ASB3: variants seen among roughly 807,000 people sequenced by gnomAD.
The protein encoded by ASB3 is ankyrin repeat and SOCS box protein 3.
Under a neutral mutation model 54.5 loss-of-function variants are expected in ASB3, and 41 were observed. That is an observed-to-expected ratio of 0.75 (90% CI 0.59 to 0.98). ASB3 has a LOEUF of 0.98. Ranked by LOEUF, ASB3 falls within the 50% of genes least tolerant of loss-of-function variation. The probability of loss-of-function intolerance (pLI) is 0.00; values close to 1 mark genes in which losing one functional copy is unlikely to be tolerated. For synonymous variants in ASB3, 266 were observed against 221.2 expected, an observed-to-expected ratio of 1.20 and a Z score of -1.80; for missense variants, 733 against 620.0, an observed-to-expected ratio of 1.18 and a Z score of -1.94.
At chr2:53,745,253 A>G (rs1362433458) in intron 3 of ASB3, among the ~76,000 whole-genome samples, 4 of 152,200 alleles carry the variant, frequency 2.6e-5, no homozygotes, top group African/African-American at 9.6e-5. Context: ...GAAGGACAAG[A>G]CAAGGGTAGA....
chr2:53,695,651 ATAATGCCAC>A (rs112611105), intron 8 of ASB3, among the ~76,000 whole-genome samples: 9,553 of 152,166 alleles, frequency 0.063, 970 homozygotes, highest in African/African-American at 0.22. Context: ...ACCAACACTG[ATAATGCCAC>A]TAAAAATGTA....
At chr2:53,750,718 G>A in intron 3 of ASB3, 65 bp downstream of exon 3, 1 of 1,407,888 alleles carries the variant, frequency 7.1e-7, no homozygotes, top group Non-Finnish European at 9.3e-7. Flanking sequence ...GAAAAATTAA[G>A]CTTAGTTTAA....
Position 53,716,668 on chromosome 2 carries a change from C to G in ASB3, c.680G>C (p.Cys227Ser). ...CCCACTGGAGAGCAAAAGCTCCACA[C>G]ATTTTGTGTGTCCCTCTTGAGCAGC... The part of the protein sequence containing the change: ...FIAAQEGHTK[C>S]VELLLSSGAD... Residue 227 changes from cysteine to serine, a missense_variant, in exon 6 of 10, where the codon TGT becomes TCT. Physicochemically the swap from Cys to Ser is moderately radical, Grantham distance 112 (BLOSUM62 -1). Coordinates refer to ENST00000263634, the MANE Select transcript of ASB3 (RefSeq NM_016115.5). 6.2e-7 allele frequency: 1 copy of G among 1,614,178 alleles called. No individual in the cohort carries two copies. Among genetic ancestry groups the G allele is most frequent in the Non-Finnish European group, 8.5e-7 (1 of 1,180,004 alleles).
chr2:53,718,646 G>A (rs528454043), intron 5 of ASB3, among the ~76,000 whole-genome samples: 1 of 151,742 alleles, frequency 6.6e-6, no homozygotes, highest in South Asian at 2.1e-4. Flanking sequence ...TTAATAATAG[G>A]ATCAAAACCT....
At chr2:53,786,407 T>G (rs2542585) in intron 1 of ASB3, 1 of 151,906 alleles carries the variant, frequency 6.6e-6, no homozygotes, top group Admixed American at 6.6e-5. Context: ...TTCGGAGGCT[T>G]GCGGTATTCA....
At chr2:53,713,927 T>A (rs1212496498) in intron 7 of ASB3, among the ~76,000 whole-genome samples, 1 of 152,092 alleles carries the variant, frequency 6.6e-6, no homozygotes, top group Non-Finnish European at 1.5e-5. Flanking sequence ...AAAAAAAATT[T>A]TTTTTAATGC....
At chr2:53,758,052 ATAGAAG>A (rs1672934654) in intron 2 of ASB3, among the ~76,000 whole-genome samples, 1 of 152,210 alleles carries the variant, frequency 6.6e-6, no homozygotes, top group South Asian at 2.1e-4. Context: ...AAAAAGAGAG[ATAGAAG>A]TAGTAAAGAA....
At chr2:53,720,727 A>G (rs1302454817) in intron 5 of ASB3, among the ~76,000 whole-genome samples, 7 of 152,174 alleles carry the variant, frequency 4.6e-5, no homozygotes, top group African/African-American at 1.7e-4. Flanking sequence ...CATTTGACCA[A>G]TTGGACCTAA....
Position 53,670,429 on chromosome 2 carries a change from T to C in ASB3, c.*74A>G. On this transcript the variant is annotated 3_prime_UTR_variant, in exon 10 of 10. Coordinates refer to ENST00000263634, the MANE Select transcript of ASB3 (RefSeq NM_016115.5). Reference sequence around the variant, plus strand: ...CTTTTGACTATAAAATCATAAAAACTTGTACTCTGTGGCTCTTTTGTCTCG... The same window carrying C: ...CTTTTGACTATAAAATCATAAAAACCTGTACTCTGTGGCTCTTTTGTCTCG... The C allele has an allele frequency of 1.1e-5, 17 of 1,504,772 alleles. No homozygotes were observed. The highest frequency in any genetic ancestry group is 1.4e-5 in the Non-Finnish European group (16 of 1,120,418). 93.2% of individuals were successfully genotyped at this position (1,504,772 alleles called of 1,614,324 possible). A position where few individuals can be genotyped will look rare whatever the true frequency, so the allele number is the denominator to read the frequency against.
intron 3 of ASB3, among the ~76,000 whole-genome samples, chr2:53,746,221 A>G (rs113551073): frequency 3.3e-5 from 5 of 152,030 alleles, no homozygotes; most frequent in African/African-American, 7.2e-5. Context: ...CTTGAGCCCA[A>G]TAGTTTGAGG....
chr2:53,687,262 A>T (rs3770410), intron 9 of ASB3, among the ~76,000 whole-genome samples: 12,319 of 152,208 alleles, frequency 0.081, 539 homozygotes, highest in East Asian at 0.18. Context: ...CTAAAAAAAA[A>T]ACAAAAACAA....
chr2:53,774,472 G>C (rs72799216), intron 1 of ASB3: 4 of 1,588,128 alleles, frequency 2.5e-6, no homozygotes, highest in Admixed American at 3.7e-5. Context: ...TTTCGCTTTG[G>C]AAAAATTAGT....
intron 9 of ASB3, among the ~76,000 whole-genome samples, chr2:53,686,718 TA>T (rs1322195583): frequency 6.6e-6 from 1 of 152,112 alleles, no homozygotes; most frequent in Non-Finnish European, 1.5e-5. Flanking sequence ...TTTATTTATT[TA>T]TTTATTTTCT....
intron 3 of ASB3, among the ~76,000 whole-genome samples, chr2:53,749,682 A>T (rs1387786735): frequency 6.6e-6 from 1 of 152,106 alleles, no homozygotes; most frequent in Non-Finnish European, 1.5e-5. Context: ...CAAAAGTATC[A>T]TGACAGCTAA....
At chr2:53,699,571 G>C (rs542154163) in intron 8 of ASB3, among the ~76,000 whole-genome samples, 1 of 152,172 alleles carries the variant, frequency 6.6e-6, no homozygotes, top group East Asian at 1.9e-4. Flanking sequence ...ATATTTTATT[G>C]AAATTCTATA....
chr2:53,765,900 TTCTTTGGTGCTCCATTGATAAGAGCACCC>T (rs148978228), intron 1 of ASB3, among the ~76,000 whole-genome samples: 27,592 of 151,866 alleles, frequency 0.18, 3,310 homozygotes, highest in Non-Finnish European at 0.26. Flanking sequence ...CCACAACGCA[TTCTTTGGTGCTCCATTGATAAGAGCACCC>T]TCTTTGGTGC....
At chr2:53,706,161 G>A (rs1423469357) in intron 7 of ASB3, among the ~76,000 whole-genome samples, 1 of 152,146 alleles carries the variant, frequency 6.6e-6, no homozygotes, top group Non-Finnish European at 1.5e-5. Flanking sequence ...AGAATGAAGT[G>A]AAATACCCAA....
At chr2:53,708,945 A>G (rs183074245) in intron 7 of ASB3, among the ~76,000 whole-genome samples, 2 of 152,232 alleles carry the variant, frequency 1.3e-5, no homozygotes, top group African/African-American at 4.8e-5. Context: ...AGAGTATAAA[A>G]GTTTGGAAAA....
At chr2:53,699,027 A>G (rs555765447) in intron 8 of ASB3, among the ~76,000 whole-genome samples, 1 of 152,322 alleles carries the variant, frequency 6.6e-6, no homozygotes, top group East Asian at 1.9e-4. Context: ...GAGACTGGGT[A>G]ATTTATAAAG....
Sources: allele counts gnomAD v4.1 joint callset (sites outside exome capture counted in the v4.1 genomes callset), GRCh38; gene constraint gnomAD v4.1.1; transcripts MANE v1.5; gene names NCBI Gene and HGNC (gene_info 2026-07-23, HGNC 2026-07-21).